Variants in VPS13B observed in about 807,000 individuals in gnomAD.
VPS13B encodes the protein vacuolar protein sorting 13 homolog B.
A neutral mutation model predicts 426.4 loss-of-function variants in VPS13B; 285 were observed. The ratio of observed to expected loss-of-function variants is 0.67; its 90% CI spans 0.61 to 0.74. The LOEUF (loss-of-function observed/expected upper bound fraction) is 0.74. Among genes scored for constraint, VPS13B ranks in the 30% least tolerant of loss-of-function variants. The pLI is 0.00. For missense variants in VPS13B, 4,537 were observed against 4,782.6 expected, an observed-to-expected ratio of 0.95 and a Z score of 1.51; for synonymous variants, 1,676 against 1,676.4, an observed-to-expected ratio of 1.00 and a Z score of 0.01.
intron 33 of VPS13B, among the ~76,000 whole-genome samples, chr8:99,603,411 T>A (rs1057290046): frequency 1.3e-5 from 2 of 152,298 alleles, no homozygotes; most frequent in Admixed American, 1.3e-4. Flanking sequence ...AGTGAGAGAT[T>A]AACAGTAACT....
At chr8:99,799,958 C>T (rs1335624028) in intron 43 of VPS13B, among the ~76,000 whole-genome samples, 3 of 152,140 alleles carry the variant, frequency 2.0e-5, no homozygotes, top group Non-Finnish European at 4.4e-5. Flanking sequence ...GCTCCCATTT[C>T]TCAGCTCACC....
chr8:99,473,347 A>G (rs1469774089), intron 24 of VPS13B, among the ~76,000 whole-genome samples: 1 of 152,126 alleles, frequency 6.6e-6, no homozygotes, highest in Non-Finnish European at 1.5e-5. Context: ...TTAAAAATGC[A>G]AGTTTGGTTT....
chr8:99,851,714 G>C (rs1477092373), intron 55 of VPS13B, among the ~76,000 whole-genome samples: 1 of 152,040 alleles, frequency 6.6e-6, no homozygotes, highest in Non-Finnish European at 1.5e-5. Flanking sequence ...CCCAGTGGAG[G>C]GGGTGGAAGT....
intron 17 of VPS13B, among the ~76,000 whole-genome samples, chr8:99,203,716 A>G (rs1426371219): frequency 6.6e-6 from 1 of 152,206 alleles, no homozygotes; most frequent in Non-Finnish European, 1.5e-5. Context: ...CTATACACCA[A>G]TAATAGACAA....
chr8:99,782,773 T>C (rs964561102), intron 42 of VPS13B, among the ~76,000 whole-genome samples: 62 of 152,072 alleles, frequency 4.1e-4, no homozygotes, highest in African/African-American at 1.5e-3. Context: ...CTGGGTAAGA[T>C]GATTCATCTA....
chr8:99,117,029 T>G (rs1847695288), intron 7 of VPS13B, among the ~76,000 whole-genome samples: 1 of 132,974 alleles, frequency 7.5e-6, no homozygotes, highest in Admixed American at 7.5e-5. Context: ...ATATCATGAA[T>G]GATCTGATGT....
At chr8:99,354,266 CTTTTTTTTTTTTTTTTTTT>C (rs71273176) in intron 19 of VPS13B, among the ~76,000 whole-genome samples, 57 of 22,194 alleles carry the variant, frequency 2.6e-3, no homozygotes, top group South Asian at 3.1e-3. Context: ...CTCCCCCTGC[CTTTTTTTTTTTTTTTTTTT>C]TTTTTTTTTT....
chr8:99,756,739 C>G (rs564112349), intron 39 of VPS13B, among the ~76,000 whole-genome samples: 1 of 152,190 alleles, frequency 6.6e-6, no homozygotes. Flanking sequence ...AATGAAGTAA[C>G]TATAAATGAC....
intron 17 of VPS13B, among the ~76,000 whole-genome samples, chr8:99,273,080 G>T (rs1206327809): frequency 6.6e-6 from 1 of 151,838 alleles, no homozygotes; most frequent in Admixed American, 6.6e-5. Flanking sequence ...TTTGGATAAG[G>T]GATCCTCAAC....
intron 19 of VPS13B, among the ~76,000 whole-genome samples, chr8:99,304,343 A>G (rs947923244): frequency 1.3e-5 from 2 of 152,160 alleles, no homozygotes; most frequent in African/African-American, 4.8e-5. Flanking sequence ...ATTAGGAAAG[A>G]AAATTTTAAA....
chr8:99,714,520 C>T (rs1168509580), intron 36 of VPS13B, among the ~76,000 whole-genome samples: 1 of 152,148 alleles, frequency 6.6e-6, no homozygotes, highest in African/African-American at 2.4e-5. Context: ...CTCCAAGTGT[C>T]TCCCCACAAA....
chr8:99,818,138 C>G (rs1814150978), intron 45 of VPS13B, among the ~76,000 whole-genome samples: 1 of 152,132 alleles, frequency 6.6e-6, no homozygotes, highest in Non-Finnish European at 1.5e-5. Context: ...GTTACTTTAT[C>G]TCTTCCTCAG....
chr8:99,060,645 CT>C (rs1563513865), intron 3 of VPS13B, among the ~76,000 whole-genome samples: 1 of 151,742 alleles, frequency 6.6e-6, no homozygotes, highest in African/African-American at 2.4e-5. Flanking sequence ...ATAATATAAT[CT>C]TTTATTATAT....
rs575577221 is a variant in VPS13B, at chr8:99,029,485, T to C, written c.148-8938T>C. Among the ~76,000 whole-genome samples the C allele has an allele frequency of 2.0e-5, 3 of 152,084 alleles. No homozygotes were observed. In the South Asian group the frequency reaches 6.2e-4, roughly 32 times the overall value. ...CCACTGCACTCCAGCCTGGGCACCA[T>C]TGAGCACTGAGTGAACGAGACTCCG... On this transcript the variant is annotated intron_variant, in intron 2 of 61. Transcript: ENST00000357162.
Position 99,246,811 on chromosome 8 carries a change from C to T in VPS13B, c.2516-27387C>T, listed in dbSNP as rs1588171370. 2.7e-5 allele frequency among the ~76,000 whole-genome samples: 4 copies of T among 148,792 alleles called. No homozygotes were observed. In the South Asian group the frequency reaches 8.6e-4, roughly 32 times the overall value. On this transcript the variant is annotated intron_variant, in intron 17 of 61. Coordinates refer to ENST00000357162, the MANE Select transcript of VPS13B (RefSeq NM_152564.5). Reference sequence around the variant, plus strand: ...AACCTAGGAGGTGGAGATCTCACCACTGCACTCCAGCCTGGGCGACAGAGC... The same window carrying T: ...AACCTAGGAGGTGGAGATCTCACCATTGCACTCCAGCCTGGGCGACAGAGC...
chr8:99,575,638 T>A lies in VPS13B; in HGVS notation c.4950-20T>A, dbSNP rs201360034. The A allele has an allele frequency of 1.9e-6, 3 of 1,613,442 alleles. No homozygotes were observed. The highest frequency in any genetic ancestry group is 2.5e-6 in the Non-Finnish European group (3 of 1,179,730). On this transcript the variant is annotated intron_variant, in intron 31 of 61. Transcript: ENST00000357162. Reference sequence around the variant, plus strand: ...TTGAAAATAATGAAATGGCTAATAATCTTTTACTCTATCTTTTAGCATACG... The same window carrying A: ...TTGAAAATAATGAAATGGCTAATAAACTTTTACTCTATCTTTTAGCATACG...
chr8:99,693,985 AC>A (rs1238767225), intron 35 of VPS13B, among the ~76,000 whole-genome samples: 2 of 92,928 alleles, frequency 2.2e-5, no homozygotes, highest in Non-Finnish European at 4.3e-5. Context: ...AATCCAACTT[AC>A]AAGGGATGTG....
chr8:99,761,052 T>C (rs1485317537), intron 39 of VPS13B, among the ~76,000 whole-genome samples: 2 of 152,120 alleles, frequency 1.3e-5, no homozygotes, highest in African/African-American at 4.8e-5. Context: ...ATTCTTATAA[T>C]GGGAAAAAAG....
chr8:99,118,895 C>T (rs1027144788), intron 7 of VPS13B, among the ~76,000 whole-genome samples: 3 of 152,148 alleles, frequency 2.0e-5, no homozygotes, highest in African/African-American at 7.2e-5. Context: ...GCTATTCTTT[C>T]TCTTGGGTAA....
Sources: allele counts gnomAD v4.1 joint callset (sites outside exome capture counted in the v4.1 genomes callset), GRCh38; gene constraint gnomAD v4.1.1; transcripts MANE v1.5; gene names NCBI Gene and HGNC (gene_info 2026-07-23, HGNC 2026-07-21).